The following RAD51B variants were observed in gnomAD, a reference collection of about 807,000 sequenced individuals.
RAD51B encodes RAD51 paralog B, also known as DNA repair protein RAD51 homolog 2.
A neutral mutation model predicts 42.2 loss-of-function variants in RAD51B; 38 were observed. The ratio of observed to expected loss-of-function variants is 0.90; its 90% CI spans 0.70 to 1.18. The LOEUF (loss-of-function observed/expected upper bound fraction) is 1.18, where lower values mean the gene tolerates loss of function less well. Ranked by LOEUF, RAD51B falls within the 50% of genes most tolerant of loss-of-function variation. The pLI, the probability that RAD51B is intolerant of heterozygous loss-of-function variation, is 0.00. For missense variants in RAD51B, 373 were observed against 400.7 expected (o/e 0.93, Z 0.59); for synonymous variants, 154 against 145.2 (o/e 1.06, Z -0.43).
chr14:68,035,587 A>C (rs2076109162), intron 7 of RAD51B, among the ~76,000 whole-genome samples: 1 of 152,230 alleles, frequency 6.6e-6, no homozygotes, highest in African/African-American at 2.4e-5. Flanking sequence ...ACTGTATACC[A>C]GTCCTTAATA....
chr14:68,580,114 G>T (rs1301990887), intron 10 of RAD51B, among the ~76,000 whole-genome samples: 1 of 152,198 alleles, frequency 6.6e-6, no homozygotes, highest in African/African-American at 2.4e-5. Context: ...CCTGCCCTGA[G>T]ACCCCCGCTG....
chr14:68,436,956 C>T (rs1388358879), intron 9 of RAD51B, among the ~76,000 whole-genome samples: 1 of 152,098 alleles, frequency 6.6e-6, no homozygotes, highest in Admixed American at 6.6e-5. Flanking sequence ...ATCATATTGT[C>T]AGTAAAGAGG....
chr14:68,330,219 T>G (rs1219803560), intron 8 of RAD51B, among the ~76,000 whole-genome samples: 1 of 152,136 alleles, frequency 6.6e-6, no homozygotes, highest in Non-Finnish European at 1.5e-5. Flanking sequence ...TTGAAATGAT[T>G]AAAAGCATGG....
chr14:68,316,225 C>T (rs988088996), intron 8 of RAD51B, among the ~76,000 whole-genome samples: 7 of 152,206 alleles, frequency 4.6e-5, no homozygotes, highest in African/African-American at 1.7e-4. Context: ...CTGCATTTCA[C>T]CTACCCAAGG....
At chr14:68,469,687 G>A (rs1267955112) in intron 10 of RAD51B, among the ~76,000 whole-genome samples, 1 of 152,174 alleles carries the variant, frequency 6.6e-6, no homozygotes, top group Non-Finnish European at 1.5e-5. Context: ...ACACAGGGTG[G>A]CATTCAGCTC....
chr14:68,005,761 A>G (rs1482863604), intron 7 of RAD51B, among the ~76,000 whole-genome samples: 1 of 152,212 alleles, frequency 6.6e-6, no homozygotes, highest in Non-Finnish European at 1.5e-5. Flanking sequence ...TCGACATGCT[A>G]TAAAGAAATA....
At chr14:68,031,139 C>G (rs753997304) in intron 7 of RAD51B, among the ~76,000 whole-genome samples, 19 of 152,266 alleles carry the variant, frequency 1.2e-4, no homozygotes, top group Non-Finnish European at 2.4e-4. Context: ...ATTGGACTTA[C>G]AGTTCCATGT....
chr14:68,233,304 C>T (rs1337769881), intron 7 of RAD51B, among the ~76,000 whole-genome samples: 2 of 152,164 alleles, frequency 1.3e-5, no homozygotes, highest in Non-Finnish European at 1.5e-5. Flanking sequence ...TAAGAGGCCA[C>T]ATTCACAGGA....
chr14:67,828,507 C>T (rs551521952), intron 3 of RAD51B, among the ~76,000 whole-genome samples: 20 of 152,184 alleles, frequency 1.3e-4, no homozygotes, highest in African/African-American at 4.6e-4. Context: ...GTCAATTTTG[C>T]TTTTGTTCCA....
At chr14:68,412,060 C>G (rs2084435651) in intron 9 of RAD51B, among the ~76,000 whole-genome samples, 1 of 152,138 alleles carries the variant, frequency 6.6e-6, no homozygotes. Flanking sequence ...TCAGAGTTCC[C>G]TATTTGTGGT....
intron 7 of RAD51B, among the ~76,000 whole-genome samples, chr14:68,044,987 C>T (rs1025036508): frequency 6.6e-6 from 1 of 151,954 alleles, no homozygotes. Context: ...CGCCTGTAAT[C>T]CCAGCACTTT....
At chr14:68,526,207 G>T (rs1414858975) in intron 10 of RAD51B, among the ~76,000 whole-genome samples, 1 of 152,148 alleles carries the variant, frequency 6.6e-6, no homozygotes, top group Non-Finnish European at 1.5e-5. Context: ...TATTAAATGG[G>T]TCCCAAATCT....
chr14:67,828,407 A>T (rs2040907348), intron 3 of RAD51B, among the ~76,000 whole-genome samples: 1 of 151,536 alleles, frequency 6.6e-6, no homozygotes, highest in Non-Finnish European at 1.5e-5. Flanking sequence ...CCTTTGTCGG[A>T]TGGATAGATT....
intron 10 of RAD51B, chr14:68,562,143 A>T (rs1324542388): frequency 1.0e-6 from 1 of 985,234 alleles, no homozygotes; most frequent in African/African-American, 1.7e-5. Context: ...CACCCTGGAA[A>T]TGCCAGTTCT....
At chr14:68,133,357 T>C (rs1470773905) in intron 7 of RAD51B, among the ~76,000 whole-genome samples, 1 of 152,246 alleles carries the variant, frequency 6.6e-6, no homozygotes, top group Non-Finnish European at 1.5e-5. Flanking sequence ...AGGAAAATGT[T>C]TTATTTTCTA....
chr14:68,338,441 A>G (rs2082502008), intron 8 of RAD51B, among the ~76,000 whole-genome samples: 1 of 152,180 alleles, frequency 6.6e-6, no homozygotes, highest in South Asian at 2.1e-4. Context: ...CCACATTTGT[A>G]CGTCCTTAGT....
intron 9 of RAD51B, among the ~76,000 whole-genome samples, chr14:68,464,848 T>C (rs1297032781): frequency 6.6e-6 from 1 of 152,216 alleles, no homozygotes; most frequent in Admixed American, 6.5e-5. Flanking sequence ...GATCATCCTT[T>C]TGATGACTCA....
intron 8 of RAD51B, among the ~76,000 whole-genome samples, chr14:68,391,971 TC>T (rs2083771928): frequency 1.3e-5 from 2 of 152,162 alleles, no homozygotes; most frequent in African/African-American, 4.8e-5. Flanking sequence ...GTCCTCTCTC[TC>T]CAACTCACTT....
At chr14:68,468,728 G>A in intron 10 of RAD51B, 1 of 300,200 alleles carries the variant, frequency 3.3e-6, no homozygotes, top group Admixed American at 4.4e-5. Flanking sequence ...TGGTTATCTT[G>A]TTTCCTTTTC....
Sources: allele counts gnomAD v4.1 joint callset (sites outside exome capture counted in the v4.1 genomes callset), GRCh38; gene constraint gnomAD v4.1.1; transcripts MANE v1.5; gene names NCBI Gene and HGNC (gene_info 2026-07-23, HGNC 2026-07-21).